The following GALNT6 variants were observed in gnomAD, a reference collection of about 807,000 sequenced individuals.
The protein encoded by GALNT6 is GalNAc transferase 6.
Under a neutral mutation model 65.9 loss-of-function variants are expected in GALNT6, and 51 were observed. That is an observed-to-expected ratio of 0.77 (90% CI 0.62 to 0.98). The LOEUF is 0.98. Ranked by LOEUF, GALNT6 falls within the 50% of genes least tolerant of loss-of-function variation. The pLI is 0.00. For missense variants in GALNT6, 708 were observed against 803.3 expected (o/e 0.88, Z 1.43); for synonymous variants, 323 against 315.1 (o/e 1.02, Z -0.26).
At chr12:51,391,664 G>T (rs956650252), upstream of GALNT6, 60 of 152,190 alleles carry the variant, frequency 3.9e-4, 1 homozygote, top group Non-Finnish European at 1.5e-5. Context: ...CCCACCGGAC[G>T]GCCGGGAGGG....
rs142431103 is a variant in GALNT6, at chr12:51,357,399, C to G, written c.1552G>C (p.Gly518Arg). ...GAGTACATGATGAGGGGCTTCCCCC[C>G]GCGGTTGTTCTCACCCACATCCAGG... ...QCLDVGENNR[G>R]GKPLIMYSCH... Residue 518 changes from glycine to arginine, a missense_variant, in exon 10 of 12, where the codon GGG (glycine) becomes CGG (arginine). Transcript: ENST00000356317. 1.1e-5 allele frequency: 17 copies of G among 1,613,970 alleles called. No homozygotes were observed. Among genetic ancestry groups the G allele is most frequent in the Non-Finnish European group, 1.2e-5 (14 of 1,179,964 alleles).
rs200232160 is a variant in GALNT6, at chr12:51,365,470, G to A, written c.774C>T (p.Ser258=). 2.7e-5 allele frequency: 44 copies of A among 1,611,868 alleles called. No homozygotes were observed. Among genetic ancestry groups the A allele is most frequent in the Non-Finnish European group, 3.6e-5 (42 of 1,179,876 alleles). ...ACGTGAGCACCTCCGCCTGTGCCAC[G>A]CTGGCCCCCAGCAGCCGGGCGGTGA... ...GLITARLLGA[S]VAQAEVLTFL... The change falls in exon 5 of 12, where the codon AGC becomes AGT. Residue 258 remains serine (S), a synonymous_variant. Coordinates refer to ENST00000356317, the MANE Select transcript of GALNT6 (RefSeq NM_007210.4).
intron 10 of GALNT6, among the ~76,000 whole-genome samples, chr12:51,357,102 C>T (rs1946770157): frequency 6.6e-6 from 1 of 152,198 alleles, no homozygotes; most frequent in African/African-American, 2.4e-5. Flanking sequence ...CAGCTAGCCT[C>T]CTCAAGCCTC....
At chr12:51,372,887 C>A (rs946264264) in intron 4 of GALNT6, among the ~76,000 whole-genome samples, 1 of 152,260 alleles carries the variant, frequency 6.6e-6, no homozygotes, top group African/African-American at 2.4e-5. Flanking sequence ...GGATGTGAGA[C>A]ACGAAGTCAA....
rs1948059911 is a variant in GALNT6 at position 51,390,875 on chromosome 12, T to A, written c.-129A>T. 6.6e-6 allele frequency: 1 copy of A among 152,312 alleles called. No homozygotes were observed. Among genetic ancestry groups the A allele is most frequent in the African/African-American group, 2.4e-5 (1 of 41,460 alleles). 9.4% of individuals were successfully genotyped at this position (152,312 alleles called of 1,614,324 possible). A position where few individuals can be genotyped will look rare whatever the true frequency, so the allele number is the denominator to read the frequency against. ...CCTCTGCAGACGTCTGGGTCTGCGA[T>A]GATTGGCCCTGGATGCAAGTAAAAG... is the stretch of plus-strand genomic sequence containing the variant. On this transcript the variant is annotated 5_prime_UTR_variant, in exon 2 of 12. Transcript: ENST00000356317.
In GALNT6 at chr12:51,379,501, T is replaced by G. The variant is rs1027355779; in HGVS notation, c.281A>C (p.Tyr94Ser). 6.2e-7 allele frequency: 1 copy of G among 1,614,140 alleles called. No homozygotes were observed. Among genetic ancestry groups the G allele is most frequent in the Non-Finnish European group, 8.5e-7 (1 of 1,180,002 alleles). Residue 94 changes from tyrosine to serine, a missense_variant, in exon 3 of 12, where the codon TAT (tyrosine) becomes TCT (serine). Tyr to Ser is a moderately radical substitution (Grantham distance 144). Transcript: ENST00000356317. The stretch of plus-strand genomic sequence containing the variant: ...GAAGGGCTTCAGTTCAGCTGGGGTA[T>G]AGAACCCAGGGAGGCAGGACTGGTT... ...SINQSCLPGFYTPAELKPFWE... is the reference protein window; with the variant it reads ...SINQSCLPGFSTPAELKPFWE...
intron 10 of GALNT6, among the ~76,000 whole-genome samples, chr12:51,356,783 A>C (rs1946762255): frequency 6.6e-6 from 1 of 151,600 alleles, no homozygotes; most frequent in South Asian, 2.1e-4. Flanking sequence ...AAAATAAAAA[A>C]TGTTCTCCAG....
chr12:51,382,030 G>A (rs1281199528), intron 2 of GALNT6, among the ~76,000 whole-genome samples: 2 of 152,210 alleles, frequency 1.3e-5, no homozygotes, highest in South Asian at 2.1e-4. Flanking sequence ...GATCTCAAGT[G>A]GGGAGGTGGA....
chr12:51,381,252 TAA>T (rs1031049121), intron 2 of GALNT6, among the ~76,000 whole-genome samples: 2 of 152,038 alleles, frequency 1.3e-5, no homozygotes, highest in African/African-American at 4.8e-5. Flanking sequence ...AATAAATAAA[TAA>T]AAGTTATCTG....
intron 3 of GALNT6, among the ~76,000 whole-genome samples, chr12:51,377,634 G>T (rs906835827): frequency 6.6e-6 from 1 of 152,096 alleles, no homozygotes; most frequent in Non-Finnish European, 1.5e-5. Context: ...TGATGCTGAG[G>T]CTCCTCCACC....
chr12:51,379,335 C>T lies in GALNT6; in HGVS notation c.447G>A (p.Arg149=). ...KHCFNAFASD[R]ISLQRSLGPD... ...GCCCCAGGGACCTCTGCAGGGAGATCCGGTCGCTGGCAAAGGCATTGAAAC... is the reference window on the plus strand; with the variant it reads ...GCCCCAGGGACCTCTGCAGGGAGATTCGGTCGCTGGCAAAGGCATTGAAAC... The change falls in exon 3 of 12, where the codon CGG becomes CGA. Residue 149 remains arginine, a synonymous_variant. Transcript: ENST00000356317. 2 of 1,533,144 alleles carry T rather than the reference C, an allele frequency of 1.3e-6. No homozygotes were observed. The highest frequency in any genetic ancestry group is 8.7e-7 in the Non-Finnish European group (1 of 1,143,170). The allele number at this position is 1,533,144 out of a possible 1,614,324, so 95.0% of individuals were successfully genotyped here. A position where few individuals can be genotyped will look rare whatever the true frequency, so the allele number is the denominator to read the frequency against.
At chr12:51,367,016 T>C (rs1402555426) in intron 4 of GALNT6, among the ~76,000 whole-genome samples, 1 of 151,914 alleles carries the variant, frequency 6.6e-6, no homozygotes, top group Non-Finnish European at 1.5e-5. Flanking sequence ...GTAATCCCAG[T>C]ACTTTGGGAG....
chr12:51,384,246 A>C (rs1489994085), intron 2 of GALNT6, among the ~76,000 whole-genome samples: 1 of 152,240 alleles, frequency 6.6e-6, no homozygotes, highest in African/African-American at 2.4e-5. Context: ...CCCTGGCCCC[A>C]CCGGCCAGAA....
intron 4 of GALNT6, among the ~76,000 whole-genome samples, chr12:51,370,233 A>G (rs1947248302): frequency 6.6e-6 from 1 of 152,242 alleles, no homozygotes; most frequent in Non-Finnish European, 1.5e-5. Flanking sequence ...ATACAATAGA[A>G]TAGTATTCAG....
Position 51,357,481 on chromosome 12 carries a change from G to T in GALNT6, c.1501-31C>A, listed in dbSNP as rs1161947417. ...GAAGGGTGAGCAGAGAGGGGAAGCAGGATGGCACAGTCAGGAGGTTCCTCA... is the reference window on the plus strand; with the variant it reads ...GAAGGGTGAGCAGAGAGGGGAAGCATGATGGCACAGTCAGGAGGTTCCTCA... On this transcript the variant is annotated intron_variant, in intron 9 of 11. Transcript: ENST00000356317. The T allele has an allele frequency of 4.0e-6, 6 of 1,510,266 alleles. No individual in the cohort carries two copies. In the East Asian group the frequency reaches 1.4e-4, roughly 34 times the overall value. The allele number at this position is 1,510,266 out of a possible 1,614,324, so 93.6% of individuals were successfully genotyped here. A position where few individuals can be genotyped will look rare whatever the true frequency, so the allele number is the denominator to read the frequency against.
chr12:51,361,742 G>A lies in GALNT6; in HGVS notation c.1050-904C>T, dbSNP rs146221229. Among the ~76,000 whole-genome samples the A allele has an allele frequency of 3.9e-5, 6 of 152,234 alleles. No individual in the cohort carries two copies. The East Asian group carries it at 1.2e-3, about 29-fold the overall frequency. ...AAGCAAGATGGAATGCTGGGGTGGG[G>A]GCCGGTGAGACATGGCAGGAGCACA... is the stretch of plus-strand genomic sequence containing the variant. On this transcript the variant is annotated intron_variant, in intron 6 of 11. Transcript: ENST00000356317.
chr12:51,354,375 G>A lies in GALNT6; in HGVS notation c.*4C>T. 7 of 1,492,488 alleles carry A rather than the reference G, an allele frequency of 4.7e-6. No homozygotes were observed. Among genetic ancestry groups the A allele is most frequent in the Non-Finnish European group, 5.4e-6 (6 of 1,107,346 alleles). The allele number at this position is 1,492,488 out of a possible 1,614,324, so 92.5% of individuals were successfully genotyped here. A position where few individuals can be genotyped will look rare whatever the true frequency, so the allele number is the denominator to read the frequency against. On this transcript the variant is annotated 3_prime_UTR_variant, in exon 12 of 12. Coordinates refer to ENST00000356317, the MANE Select transcript of GALNT6 (RefSeq NM_007210.4). Reference sequence around the variant, plus strand: ...GGGGGCTCTCTCTGGGGATGATCTGGGTCCTAGACAAAGAGCCACAACTGA... The same window carrying A: ...GGGGGCTCTCTCTGGGGATGATCTGAGTCCTAGACAAAGAGCCACAACTGA...
At chr12:51,381,117 G>A (rs547126501) in intron 2 of GALNT6, among the ~76,000 whole-genome samples, 3 of 152,284 alleles carry the variant, frequency 2.0e-5, no homozygotes. Flanking sequence ...GTGCACACCT[G>A]TAGTCCTAGC....
chr12:51,379,987 T>C (rs1947609706), intron 2 of GALNT6, 103 bp from the exon 3 acceptor site: 2 of 586,016 alleles, frequency 3.4e-6, no homozygotes, highest in Admixed American at 3.0e-5. Flanking sequence ...AGTGGTGGCA[T>C]CACCTTATTG....
Sources: allele counts gnomAD v4.1 joint callset (sites outside exome capture counted in the v4.1 genomes callset), GRCh38; gene constraint gnomAD v4.1.1; transcripts MANE v1.5; gene names NCBI Gene and HGNC (gene_info 2026-07-23, HGNC 2026-07-21).